Variants in MFSD8 observed in about 807,000 individuals in gnomAD.
The protein encoded by MFSD8 is major facilitator superfamily domain-containing protein 8.
Under a neutral mutation model 66.4 loss-of-function variants are expected in MFSD8, and 55 were observed. The ratio of observed to expected loss-of-function variants is 0.83; its 90% CI spans 0.67 to 1.04. The LOEUF (loss-of-function observed/expected upper bound fraction) is 1.04. Among genes scored for constraint, MFSD8 ranks in the 50% least tolerant of loss-of-function variants. MFSD8 has a pLI of 0.00. For synonymous variants in MFSD8, 202 were observed against 212.8 expected (o/e 0.95, Z 0.44); for missense variants, 550 against 627.6 (o/e 0.88, Z 1.32).
At chr4:127,963,106 A>G (rs1393428312) in intron 1 of MFSD8, among the ~76,000 whole-genome samples, 1 of 152,214 alleles carries the variant, frequency 6.6e-6, no homozygotes, top group African/African-American at 2.4e-5. Flanking sequence ...GATCAGAACA[A>G]CCAGAATTAT....
intron 8 of MFSD8, among the ~76,000 whole-genome samples, chr4:127,931,197 ATTAAG>A (rs1458180806): frequency 2.6e-5 from 4 of 152,196 alleles, no homozygotes; most frequent in African/African-American, 9.7e-5. Context: ...ATAATGTTAT[ATTAAG>A]TTATCAGAAT....
At chr4:127,953,543 GTTTTTTT>G (rs952826538) in intron 2 of MFSD8, among the ~76,000 whole-genome samples, 3 of 67,044 alleles carry the variant, frequency 4.5e-5, no homozygotes, top group Non-Finnish European at 5.7e-5. Context: ...AAGGCATTCT[GTTTTTTT>G]TTTTTTTTTT....
chr4:127,922,016 T>G, intron 9 of MFSD8, 53 bp from the exon 10 acceptor site: 1 of 1,410,282 alleles, frequency 7.1e-7, no homozygotes, highest in Non-Finnish European at 9.9e-7. Context: ...ATAACATAGC[T>G]TCATTACTTT....
Position 127,920,625 on chromosome 4 carries a change from C to T in MFSD8, c.*5G>A. The T allele has an allele frequency of 2.5e-6, 4 of 1,613,796 alleles. No homozygotes were observed. Among genetic ancestry groups the T allele is most frequent in the Non-Finnish European group, 3.4e-6 (4 of 1,179,936 alleles). On this transcript the variant is annotated 3_prime_UTR_variant, in exon 12 of 12. Transcript: ENST00000641686. Reference sequence around the variant, plus strand: ...CAAGTAGTTTCCATCACAGTCTTAGCTAGTTTATTCCTGAATCCTCCCATA... The same window carrying T: ...CAAGTAGTTTCCATCACAGTCTTAGTTAGTTTATTCCTGAATCCTCCCATA...
At chr4:127,955,988 G>A (rs1485891187) in intron 2 of MFSD8, among the ~76,000 whole-genome samples, 3 of 151,924 alleles carry the variant, frequency 2.0e-5, no homozygotes. Flanking sequence ...GCGTGATAGC[G>A]TGCGCCTGTA....
intron 1 of MFSD8, among the ~76,000 whole-genome samples, chr4:127,959,252 C>T (rs909327650): frequency 6.6e-6 from 1 of 152,132 alleles, no homozygotes; most frequent in Admixed American, 6.5e-5. Flanking sequence ...TGCAGAAAAC[C>T]TGACCTAGAC....
chr4:127,940,073 A>T (rs888560602), intron 5 of MFSD8, 76 bp from the exon 6 acceptor site: 2 of 1,320,576 alleles, frequency 1.5e-6, no homozygotes, highest in South Asian at 2.4e-5. Flanking sequence ...AGACATTTAC[A>T]ACAGAATTGG....
At position 127,932,984 on chromosome 4, in the gene MFSD8, C is replaced by T. The variant is rs200319160; in HGVS notation, c.863+1G>A. On this transcript the variant is annotated splice_donor_variant, in intron 8 of 11. Coordinates refer to ENST00000641686, the MANE Select transcript of MFSD8 (RefSeq NM_001371596.2). LOFTEE classifies it high-confidence loss of function. ...TCAGATGAAGATGGAATAAAACTTA[C>T]GTTTCAAAAAGGGCAAAGATAAATA... 13 of 1,606,196 alleles carry T rather than the reference C, an allele frequency of 8.1e-6. No homozygotes were observed. Among genetic ancestry groups the T allele is most frequent in the East Asian group, 6.7e-5 (3 of 44,690 alleles).
intron 3 of MFSD8, chr4:127,945,585 C>G (rs1419870223): frequency 6.6e-6 from 1 of 152,070 alleles, no homozygotes; most frequent in Non-Finnish European, 1.5e-5. Flanking sequence ...CTTGGCCTCC[C>G]AAAGTGCTGG....
chr4:127,935,746 T>C (rs943173271), intron 7 of MFSD8, among the ~76,000 whole-genome samples: 20 of 152,268 alleles, frequency 1.3e-4, no homozygotes, highest in Admixed American at 1.3e-3. Flanking sequence ...GCTAATACAG[T>C]GGCCACTAGC....
intron 3 of MFSD8, chr4:127,945,299 ATTTATTTATTTTAT>A (rs746876650): frequency 4.6e-5 from 7 of 152,012 alleles, no homozygotes; most frequent in Non-Finnish European, 1.0e-4. Context: ...AAAGATATTT[ATTTATTTATTTTAT>A]TTTATTTATT....
At chr4:127,946,445 T>C (rs1046438149) in intron 3 of MFSD8, among the ~76,000 whole-genome samples, 18 of 152,192 alleles carry the variant, frequency 1.2e-4, no homozygotes, top group African/African-American at 4.3e-4. Context: ...CCAATTCCAA[T>C]GACTACCAGC....
At chr4:127,921,386 A>AT in intron 11 of MFSD8, 138 bp downstream of exon 11, 1 of 1,417,548 alleles carries the variant, frequency 7.1e-7, no homozygotes, top group Admixed American at 2.0e-5. Context: ...AAGTTGTGGG[A>AT]TTTTTAAAAA....
intron 2 of MFSD8, among the ~76,000 whole-genome samples, chr4:127,952,143 T>C (rs59806868): frequency 9.2e-5 from 14 of 151,996 alleles, no homozygotes; most frequent in South Asian, 4.2e-4. Flanking sequence ...CGGTGGCTCA[T>C]GCCTGTAATC....
chr4:127,940,516 GTA>G (rs67791219), intron 5 of MFSD8, among the ~76,000 whole-genome samples: 6,414 of 138,168 alleles, frequency 0.046, 290 homozygotes, highest in East Asian at 0.23. Flanking sequence ...TCTGTATATG[GTA>G]TATATATATA....
rs575950345 is a variant in MFSD8, at chr4:127,924,333, A to G, written c.999-2370T>C. The stretch of plus-strand genomic sequence containing the variant: ...GTGGTATTCTCTGACGGTAGTTTGT[A>G]TTTCTGTGGGACCAGTGGTGCCCAA... On this transcript the variant is annotated intron_variant, in intron 9 of 11. Transcript: ENST00000641686. Among the ~76,000 whole-genome samples the G allele has an allele frequency of 2.0e-5, 3 of 152,162 alleles. No individual in the cohort carries two copies. In the East Asian group the frequency reaches 5.8e-4, roughly 29 times the overall value.
intron 9 of MFSD8, among the ~76,000 whole-genome samples, chr4:127,927,153 C>T (rs1324372204): frequency 2.6e-5 from 4 of 150,972 alleles, no homozygotes; most frequent in Admixed American, 6.7e-5. Context: ...TACAATGCTC[C>T]GTAGGTTAGG....
At chr4:127,949,367 G>A (rs1012618782) in intron 3 of MFSD8, among the ~76,000 whole-genome samples, 21 of 152,080 alleles carry the variant, frequency 1.4e-4, no homozygotes, top group African/African-American at 2.9e-4. Context: ...AAATACATAT[G>A]TTCTAGTCTT....
chr4:127,960,563 G>C (rs952700038), intron 1 of MFSD8, among the ~76,000 whole-genome samples: 2 of 152,042 alleles, frequency 1.3e-5, no homozygotes, highest in African/African-American at 4.8e-5. Context: ...AGAAAAGAAA[G>C]AAGTGTGTGC....
Sources: allele counts gnomAD v4.1 joint callset (sites outside exome capture counted in the v4.1 genomes callset), GRCh38; gene constraint gnomAD v4.1.1; transcripts MANE v1.5; gene names NCBI Gene and HGNC (gene_info 2026-07-23, HGNC 2026-07-21).